The following ARHGAP15 variants were observed in gnomAD, a reference collection of about 807,000 sequenced individuals.
ARHGAP15 encodes the protein rho GTPase-activating protein 15.
A neutral mutation model predicts 63.7 loss-of-function variants in ARHGAP15; 51 were observed. The ratio of observed to expected loss-of-function variants is 0.80; its 90% CI spans 0.64 to 1.01. The LOEUF (loss-of-function observed/expected upper bound fraction) is 1.01, where lower values mean the gene tolerates loss of function less well. ARHGAP15 is among the 50% of genes least tolerant of loss of function. The probability of loss-of-function intolerance (pLI) is 0.00; values close to 1 mark genes in which losing one functional copy is unlikely to be tolerated. For missense variants in ARHGAP15, 560 were observed against 564.6 expected (o/e 0.99, Z 0.08); for synonymous variants, 191 against 193.8 (o/e 0.99, Z 0.12).
intron 12 of ARHGAP15, chr2:143,682,905 A>G (rs1683169663): frequency 6.6e-6 from 1 of 152,188 alleles, no homozygotes; most frequent in Non-Finnish European, 1.5e-5. Context: ...GTGTAATAGC[A>G]CAAGAGCTTG....
intron 8 of ARHGAP15, among the ~76,000 whole-genome samples, chr2:143,460,652 A>T (rs895446229): frequency 6.6e-6 from 1 of 152,136 alleles, no homozygotes; most frequent in Admixed American, 6.5e-5. Context: ...TTTTTCCCTC[A>T]GTTGGATTTT....
intron 6 of ARHGAP15, among the ~76,000 whole-genome samples, chr2:143,256,918 A>T (rs976174774): frequency 2.0e-5 from 3 of 152,122 alleles, no homozygotes; most frequent in Non-Finnish European, 4.4e-5. Context: ...GGAGAAACAG[A>T]AACAAGAAGA....
At chr2:143,605,095 G>A (rs1389046851) in intron 11 of ARHGAP15, among the ~76,000 whole-genome samples, 1 of 152,050 alleles carries the variant, frequency 6.6e-6, no homozygotes, top group East Asian at 1.9e-4. Context: ...TTTTAGTAGA[G>A]ACGGGATTTT....
intron 6 of ARHGAP15, among the ~76,000 whole-genome samples, chr2:143,425,136 A>T (rs1689087224): frequency 6.6e-6 from 1 of 152,082 alleles, no homozygotes; most frequent in Non-Finnish European, 1.5e-5. Context: ...TTCAATACAA[A>T]TGTCATTTTG....
rs374721990 is a variant in ARHGAP15, at chr2:143,696,480, T to C, written c.1139-6939T>C. ...GAAACAGAGATTACCCTTTAGAAGA[T>C]CATTCTTAACATCCCTCCTAAGAGC... On this transcript the variant is annotated intron_variant, in intron 12 of 13. Coordinates refer to ENST00000295095, the MANE Select transcript of ARHGAP15 (RefSeq NM_018460.4). Among the ~76,000 whole-genome samples, 12 of 152,058 alleles carry C rather than the reference T, an allele frequency of 7.9e-5. 1 individual carries two copies. Among genetic ancestry groups the C allele is most frequent in the African/African-American group, 2.9e-4 (12 of 41,514 alleles).
chr2:143,682,435 A>G (rs1683142149), intron 12 of ARHGAP15, among the ~76,000 whole-genome samples: 1 of 152,228 alleles, frequency 6.6e-6, no homozygotes, highest in Non-Finnish European at 1.5e-5. Context: ...GACTTTAAGA[A>G]ATAGAATTGA....
intron 6 of ARHGAP15, among the ~76,000 whole-genome samples, chr2:143,404,293 G>C (rs1688108466): frequency 6.6e-6 from 1 of 151,744 alleles, no homozygotes; most frequent in Non-Finnish European, 1.5e-5. Context: ...CAATGATAGT[G>C]GCAATGATAG....
At chr2:143,203,438 A>G (rs1170714899) in intron 3 of ARHGAP15, among the ~76,000 whole-genome samples, 1 of 152,066 alleles carries the variant, frequency 6.6e-6, no homozygotes, top group Non-Finnish European at 1.5e-5. Flanking sequence ...ATCCATCAGT[A>G]ACTTCTCAGT....
rs11903010 is a variant in ARHGAP15, at chr2:143,462,777, G to A, written c.704-24596G>A. ...TACTACTAGTAAGATGTAGTAAGATGGATGGATGGATGGATGGATGGATGG... is the reference window on the plus strand; with the variant it reads ...TACTACTAGTAAGATGTAGTAAGATAGATGGATGGATGGATGGATGGATGG... On this transcript the variant is annotated intron_variant, in intron 8 of 13. Coordinates refer to ENST00000295095, the MANE Select transcript of ARHGAP15 (RefSeq NM_018460.4). Among the ~76,000 whole-genome samples, 144 of 145,354 alleles carry A rather than the reference G, an allele frequency of 9.9e-4. 1 individual carries two copies. The highest frequency in any genetic ancestry group is 3.2e-3 in the African/African-American group (113 of 35,782).
intron 6 of ARHGAP15, among the ~76,000 whole-genome samples, chr2:143,371,279 T>C (rs115007244): frequency 2.6e-3 from 398 of 152,318 alleles, no homozygotes; most frequent in African/African-American, 9.0e-3. Context: ...TTTTAAGCCC[T>C]GCATGCATTA....
rs561979039 is a variant in ARHGAP15, at chr2:143,731,285, A to T, written c.1244+27761A>T. ...GACTAATTATTCTAGGTCGTTAAAT[A>T]CAGTTAGAGTTGTTAGATTTTCTGG... On this transcript the variant is annotated intron_variant, in intron 13 of 13. Transcript: ENST00000295095. 3.9e-5 allele frequency among the ~76,000 whole-genome samples: 6 copies of T among 152,296 alleles called. No homozygotes were observed. In the South Asian group the frequency reaches 1.0e-3, roughly 26 times the overall value.
chr2:143,560,853 C>T (rs75299630), intron 11 of ARHGAP15, among the ~76,000 whole-genome samples: 1,933 of 152,304 alleles, frequency 0.013, 49 homozygotes, highest in African/African-American at 0.045. Context: ...TCTCGATTTA[C>T]TAGGCTGTTG....
intron 2 of ARHGAP15, among the ~76,000 whole-genome samples, chr2:143,198,468 TA>T (rs1310074004): frequency 6.6e-6 from 1 of 151,962 alleles, no homozygotes; most frequent in African/African-American, 2.4e-5. Flanking sequence ...TATTTAAACT[TA>T]AATAGCTTTA....
intron 11 of ARHGAP15, among the ~76,000 whole-genome samples, chr2:143,612,830 A>T (rs1484776507): frequency 2.0e-5 from 3 of 152,226 alleles, no homozygotes; most frequent in Non-Finnish European, 4.4e-5. Flanking sequence ...CTGCTTTTCC[A>T]TCAGTAAAGT....
chr2:143,231,995 G>T (rs1203383680), intron 5 of ARHGAP15, among the ~76,000 whole-genome samples: 2 of 152,130 alleles, frequency 1.3e-5, no homozygotes, highest in African/African-American at 4.8e-5. Flanking sequence ...GGGGTTTAAG[G>T]TTTCAACATA....
At chr2:143,300,190 G>C (rs562988778) in intron 6 of ARHGAP15, among the ~76,000 whole-genome samples, 1 of 152,142 alleles carries the variant, frequency 6.6e-6, no homozygotes, top group South Asian at 2.1e-4. Context: ...GACCAGGTCT[G>C]TTGGTACCAG....
chr2:143,460,936 C>T (rs1006116736), intron 8 of ARHGAP15, among the ~76,000 whole-genome samples: 1 of 152,070 alleles, frequency 6.6e-6, no homozygotes, highest in African/African-American at 2.4e-5. Flanking sequence ...CCCCTTCTGC[C>T]TTCCTTTTAT....
chr2:143,566,910 CAG>C (rs1370826053), intron 11 of ARHGAP15, among the ~76,000 whole-genome samples: 1 of 150,184 alleles, frequency 6.7e-6, no homozygotes, highest in Non-Finnish European at 1.5e-5. Context: ...TTTTTTGAGA[CAG>C]AGTCTCGCTC....
chr2:143,190,763 G>C lies in ARHGAP15; in HGVS notation c.166-11371G>C, dbSNP rs947489755. ...GCCTCTTGGATATTCTGTAGCGAAA[G>C]GCAAATTTGTTAACTTCTTTGTAAT... On this transcript the variant is annotated intron_variant, in intron 2 of 13. Coordinates refer to ENST00000295095, the MANE Select transcript of ARHGAP15 (RefSeq NM_018460.4). Among the ~76,000 whole-genome samples the C allele has an allele frequency of 9.2e-5, 14 of 152,154 alleles. 1 individual carries two copies. The highest frequency in any genetic ancestry group is 3.4e-4 in the African/African-American group (14 of 41,438).
Sources: gnomAD v4.1 joint callset for allele counts (sites outside exome capture counted in the v4.1 genomes callset) on GRCh38, gnomAD v4.1.1 for gene constraint, MANE v1.5 for transcripts, NCBI Gene and HGNC (gene_info 2026-07-23, HGNC 2026-07-21) for gene names.